CYP2J2: variants seen among roughly 807,000 people sequenced by gnomAD.
CYP2J2 encodes the protein cytochrome P450 family 2 subfamily J member 2.
CYP2J2 carries 41 observed loss-of-function variants against 48.8 expected under a neutral mutation model. That is an observed-to-expected ratio of 0.84 (90% confidence interval 0.66 to 1.09). The LOEUF (loss-of-function observed/expected upper bound fraction) is 1.09, where lower values mean the gene tolerates loss of function less well. Ranked by LOEUF, CYP2J2 falls within the 50% of genes least tolerant of loss-of-function variation. CYP2J2 has a pLI of 0.00. For missense variants in CYP2J2, 644 were observed against 617.3 expected, an observed-to-expected ratio of 1.04 and a Z score of -0.46; for synonymous variants, 221 against 227.1, an observed-to-expected ratio of 0.97 and a Z score of 0.24.
the CYP2J2 span, among the ~76,000 whole-genome samples, chr1:59,966,214 C>T: frequency 1.3e-5 from 2 of 152,166 alleles, no homozygotes; most frequent in Non-Finnish European, 2.9e-5. Flanking sequence ...AACATAAGCT[C>T]AGCCCAGACT....
intron 1 of CYP2J2, among the ~76,000 whole-genome samples, chr1:59,921,905 T>A (rs1259866233): frequency 1.3e-5 from 2 of 152,176 alleles, no homozygotes; most frequent in East Asian, 3.9e-4. Context: ...ACTGTACTTC[T>A]GCATACTGAT....
chr1:59,935,807 CTT>C, the CYP2J2 span, among the ~76,000 whole-genome samples: 2 of 152,144 alleles, frequency 1.3e-5, no homozygotes, highest in Non-Finnish European at 2.9e-5. Flanking sequence ...GAGTTTTGCT[CTT>C]GTCACCCAGG....
At position 59,911,194 on chromosome 1, in the gene CYP2J2, C is replaced by T. The variant is rs11572263; in HGVS notation, c.684+414G>A. On this transcript the variant is annotated intron_variant, in intron 4 of 8. Transcript: ENST00000371204. ...ACTAATCTGCATTAAAAAAGAGCAA[C>T]CAGCACAGATGACTCTCAAAGCAAC... Among the ~76,000 whole-genome samples, 643 of 152,160 alleles carry T rather than the reference C, an allele frequency of 4.2e-3. 8 individuals are homozygous for T. Among genetic ancestry groups the T allele is most frequent in the African/African-American group, 0.015 (618 of 41,514 alleles).
In CYP2J2 at chr1:59,909,873, C is replaced by T. The variant is rs759364370; in HGVS notation, c.772G>A (p.Val258Ile). ...CTGTGTTTGTCAATCATATGAGAAA[C>T]AAACAATTTCAGTTTTTTCCAGTTG... ...FSNWKKLKLF[V>I]SHMIDKHRKD... is the part of the protein sequence containing the mutation. The change falls in exon 5 of 9, where the codon GTT (valine) becomes ATT (isoleucine). Residue 258 changes from valine (V) to isoleucine (I), a missense_variant. Val to Ile is a conservative substitution (Grantham distance 29). Transcript: ENST00000371204. 1 of 1,612,230 alleles carries T rather than the reference C, an allele frequency of 6.2e-7. No individual in the cohort carries two copies. Among genetic ancestry groups the T allele is most frequent in the East Asian group, 2.2e-5 (1 of 44,680 alleles).
chr1:59,946,569 G>A, the CYP2J2 span, among the ~76,000 whole-genome samples: 4 of 152,066 alleles, frequency 2.6e-5, no homozygotes, highest in Middle Eastern at 3.2e-3. Context: ...CTGCTATGTC[G>A]CCAATGATCG....
chr1:59,911,580 C>T, intron 4 of CYP2J2, 28 bp downstream of exon 4: 1 of 1,510,064 alleles, frequency 6.6e-7, no homozygotes, highest in Non-Finnish European at 8.9e-7. Context: ...ATTTACTGAA[C>T]AAAGATATGG....
At chr1:59,936,981 G>A in the CYP2J2 span, among the ~76,000 whole-genome samples, 2 of 152,194 alleles carry the variant, frequency 1.3e-5, no homozygotes, top group Non-Finnish European at 2.9e-5. Context: ...TATTAGCTCA[G>A]GCATAGGGTA....
chr1:59,920,137 G>A (rs768835789), intron 1 of CYP2J2, among the ~76,000 whole-genome samples: 1 of 151,666 alleles, frequency 6.6e-6, no homozygotes, highest in African/African-American at 2.4e-5. Context: ...GATGGTATCT[G>A]AGCCAGATCT....
chr1:59,925,156 A>T (rs1290628696), intron 1 of CYP2J2, among the ~76,000 whole-genome samples: 3 of 152,184 alleles, frequency 2.0e-5, no homozygotes. Flanking sequence ...TGAAGGAAAA[A>T]CTACTAGAAC....
the CYP2J2 span, among the ~76,000 whole-genome samples, chr1:59,953,252 C>T: frequency 6.6e-6 from 1 of 152,076 alleles, no homozygotes; most frequent in Non-Finnish European, 1.5e-5. Flanking sequence ...TGTGATTGGG[C>T]TTAGTCTAAT....
At chr1:59,965,837 A>G in the CYP2J2 span, among the ~76,000 whole-genome samples, 1 of 152,014 alleles carries the variant, frequency 6.6e-6, no homozygotes, top group Non-Finnish European at 1.5e-5. Context: ...TTTCTAGTAG[A>G]GACGGGGCTT....
At chr1:59,932,184 G>A in the CYP2J2 span, among the ~76,000 whole-genome samples, 1 of 152,016 alleles carries the variant, frequency 6.6e-6, no homozygotes, top group African/African-American at 2.4e-5. Context: ...TATTTTTAAC[G>A]TCCTGAAAGT....
chr1:59,910,450 T>C (rs1387190919), intron 4 of CYP2J2, among the ~76,000 whole-genome samples: 3 of 149,192 alleles, frequency 2.0e-5, no homozygotes, highest in Admixed American at 6.7e-5. Context: ...GTGTTGATAA[T>C]TGTTAGAGCT....
chr1:59,957,168 T>G, the CYP2J2 span, among the ~76,000 whole-genome samples: 1 of 152,130 alleles, frequency 6.6e-6, no homozygotes, highest in Admixed American at 6.6e-5. Context: ...GGATGATTTG[T>G]TCAACGCAAT....
intron 2 of CYP2J2, among the ~76,000 whole-genome samples, chr1:59,913,718 A>G (rs11207539): frequency 0.049 from 7,427 of 152,268 alleles, 437 homozygotes; most frequent in African/African-American, 0.14. Flanking sequence ...TCCTAGCCTG[A>G]GCTACCACTG....
At chr1:59,923,232 G>A (rs576759414) in intron 1 of CYP2J2, among the ~76,000 whole-genome samples, 43 of 152,336 alleles carry the variant, frequency 2.8e-4, no homozygotes, top group Middle Eastern at 3.4e-3. Flanking sequence ...GTGGGAGTGG[G>A]TAATAAAAGT....
intron 2 of CYP2J2, among the ~76,000 whole-genome samples, chr1:59,913,777 C>T (rs1644440210): frequency 6.6e-6 from 1 of 152,224 alleles, no homozygotes; most frequent in South Asian, 2.1e-4. Flanking sequence ...TTCTTCTATT[C>T]TCTGAATGGC....
chr1:59,899,382 T>C (rs1000353962), intron 8 of CYP2J2, among the ~76,000 whole-genome samples: 1 of 152,134 alleles, frequency 6.6e-6, no homozygotes, highest in African/African-American at 2.4e-5. Context: ...ACAGCATCGA[T>C]CATCAGAATC....
At chr1:59,919,417 A>ATG (rs930634015) in intron 1 of CYP2J2, among the ~76,000 whole-genome samples, 2 of 151,996 alleles carry the variant, frequency 1.3e-5, no homozygotes, top group African/African-American at 2.4e-5. Context: ...CGCTGAGTGT[A>ATG]TGTGTGTGTG....
Sources: allele counts gnomAD v4.1 joint callset (sites outside exome capture counted in the v4.1 genomes callset), GRCh38; gene constraint gnomAD v4.1.1; transcripts MANE v1.5; gene names NCBI Gene and HGNC (gene_info 2026-07-23, HGNC 2026-07-21).